SGPP2: variants seen among roughly 807,000 people sequenced by gnomAD.
The protein encoded by SGPP2 is sphingosine 1-phosphate phosphohydrolase 2.
In SGPP2, 30 loss-of-function variants were observed where a neutral mutation model predicts 33.9. The ratio of observed to expected loss-of-function variants is 0.89; its 90% CI spans 0.66 to 1.20. The LOEUF is 1.20. SGPP2 is among the 50% of genes most tolerant of loss of function. The pLI is 0.00. For synonymous variants in SGPP2, 233 were observed against 225.0 expected (o/e 1.04, Z -0.32); for missense variants, 458 against 532.1 (o/e 0.86, Z 1.37).
intron 4 of SGPP2, among the ~76,000 whole-genome samples, chr2:222,534,581 G>A (rs1698886264): frequency 6.6e-6 from 1 of 151,916 alleles, no homozygotes; most frequent in Admixed American, 6.6e-5. Flanking sequence ...GAGCATTTTT[G>A]TTGTATTTTT....
At chr2:222,433,860 A>C (rs993869779) in intron 1 of SGPP2, among the ~76,000 whole-genome samples, 1 of 152,220 alleles carries the variant, frequency 6.6e-6, no homozygotes, top group Non-Finnish European at 1.5e-5. Flanking sequence ...TTAAAAATGT[A>C]TTTCAATTAC....
intron 1 of SGPP2, among the ~76,000 whole-genome samples, chr2:222,474,334 CTGG>C (rs1697896593): frequency 1.3e-5 from 2 of 152,164 alleles, no homozygotes; most frequent in South Asian, 4.1e-4. Context: ...GTGTCTTCTC[CTGG>C]TACTTCTGTC....
intron 2 of SGPP2, among the ~76,000 whole-genome samples, chr2:222,505,111 G>A (rs978810517): frequency 2.0e-5 from 3 of 152,140 alleles, no homozygotes; most frequent in African/African-American, 7.2e-5. Context: ...ATTCCAGAGA[G>A]CAAAAATTTG....
intron 1 of SGPP2, among the ~76,000 whole-genome samples, chr2:222,473,521 G>A (rs949812652): frequency 6.6e-6 from 1 of 152,074 alleles, no homozygotes. Flanking sequence ...TTAATTTGAG[G>A]CTGGGAAGGA....
chr2:222,501,253 G>A (rs986523864), intron 2 of SGPP2, among the ~76,000 whole-genome samples: 1 of 152,128 alleles, frequency 6.6e-6, no homozygotes, highest in Admixed American at 6.5e-5. Flanking sequence ...CTGTCATTCT[G>A]AACCTGGACA....
chr2:222,530,401 C>T (rs2395870), intron 4 of SGPP2, among the ~76,000 whole-genome samples: 65,249 of 152,176 alleles, frequency 0.43, 16,540 homozygotes, highest in East Asian at 0.81. Context: ...TGTTGTGTAA[C>T]GTAGCCACCT....
intron 4 of SGPP2, among the ~76,000 whole-genome samples, chr2:222,546,456 A>G (rs538555093): frequency 9.8e-4 from 150 of 152,298 alleles, no homozygotes; most frequent in African/African-American, 3.4e-3. Flanking sequence ...CAAAAAGAGA[A>G]CATGGCCATA....
At chr2:222,509,088 G>T (rs1332053063) in intron 2 of SGPP2, among the ~76,000 whole-genome samples, 2 of 151,774 alleles carry the variant, frequency 1.3e-5, no homozygotes, top group Non-Finnish European at 2.9e-5. Flanking sequence ...TTCACTCCCA[G>T]ACGCTAAATA....
At position 222,524,932 on chromosome 2, in the gene SGPP2, C is replaced by T. The variant is rs753307541; in HGVS notation, c.559-12C>T. 1.2e-6 allele frequency: 2 copies of T among 1,609,556 alleles called. No homozygotes were observed. The highest frequency in any genetic ancestry group is 8.5e-7 in the Non-Finnish European group (1 of 1,177,234). ...TGATCTAATTCCCTTGTTTTTTCTCCTTCCCCCACAGTATCCATTTGTGTT... is the reference window on the plus strand; with the variant it reads ...TGATCTAATTCCCTTGTTTTTTCTCTTTCCCCCACAGTATCCATTTGTGTT... On this transcript the variant is annotated splice_polypyrimidine_tract_variant and intron_variant, in intron 3 of 4. Coordinates refer to ENST00000321276, the MANE Select transcript of SGPP2 (RefSeq NM_152386.4).
chr2:222,527,300 A>G (rs903244360), intron 4 of SGPP2, among the ~76,000 whole-genome samples: 2 of 152,156 alleles, frequency 1.3e-5, no homozygotes, highest in Admixed American at 6.5e-5. Context: ...AAATTGTGTG[A>G]CTTGCTTGAT....
rs1698072940 is a variant in SGPP2, at chr2:222,484,348, CGT to C, written c.378+9623_378+9624del. 3.9e-5 allele frequency among the ~76,000 whole-genome samples: 6 copies of C among 152,296 alleles called. No homozygotes were observed. The South Asian group carries it at 1.2e-3, about 32-fold the overall frequency. ...AATTGTAGCTGTCCCAGATAGAGCC[CGT>C]TGTTCCCCTCACCCCCAGGATCATT... On this transcript the variant is annotated intron_variant, in intron 2 of 4. Coordinates refer to ENST00000321276, the MANE Select transcript of SGPP2 (RefSeq NM_152386.4).
intron 1 of SGPP2, among the ~76,000 whole-genome samples, chr2:222,448,242 G>C (rs565755460): frequency 1.3e-5 from 2 of 152,312 alleles, no homozygotes; most frequent in South Asian, 4.1e-4. Context: ...TTTTATCTTT[G>C]CTCTACATCA....
chr2:222,436,015 T>A (rs1697234210), intron 1 of SGPP2, among the ~76,000 whole-genome samples: 2 of 152,350 alleles, frequency 1.3e-5, no homozygotes, highest in South Asian at 4.1e-4. Context: ...GGAATGGTAA[T>A]ACTAAGAGAT....
At chr2:222,486,623 G>A (rs1163903462) in intron 2 of SGPP2, among the ~76,000 whole-genome samples, 2 of 152,142 alleles carry the variant, frequency 1.3e-5, no homozygotes, top group Non-Finnish European at 2.9e-5. Context: ...TAGATGCGGG[G>A]TTGTGGCCTT....
At chr2:222,470,891 C>G (rs79539325) in intron 1 of SGPP2, among the ~76,000 whole-genome samples, 1 of 152,122 alleles carries the variant, frequency 6.6e-6, no homozygotes, top group Non-Finnish European at 1.5e-5. Context: ...CAGAACCTGC[C>G]GAGATTAGTC....
intron 2 of SGPP2, among the ~76,000 whole-genome samples, chr2:222,475,757 G>A (rs2106097268): frequency 1.3e-5 from 2 of 152,322 alleles, no homozygotes; most frequent in African/African-American, 4.8e-5. Context: ...GGAGATGGTA[G>A]TCATTTGCAA....
chr2:222,539,302 A>T (rs553805509), intron 4 of SGPP2, among the ~76,000 whole-genome samples: 1 of 152,282 alleles, frequency 6.6e-6, no homozygotes, highest in East Asian at 1.9e-4. Context: ...AATAATTATA[A>T]AGGTTCTTAA....
At chr2:222,489,204 G>A (rs1192425411) in intron 2 of SGPP2, among the ~76,000 whole-genome samples, 3 of 152,120 alleles carry the variant, frequency 2.0e-5, no homozygotes, top group African/African-American at 2.4e-5. Context: ...ACTACTGCCA[G>A]CAGGATGAAC....
intron 1 of SGPP2, among the ~76,000 whole-genome samples, chr2:222,461,056 G>A (rs79947961): frequency 6.6e-6 from 1 of 152,124 alleles, no homozygotes; most frequent in Admixed American, 6.5e-5. Flanking sequence ...ACATTCGGCT[G>A]TTTTTCGAAT....
Sources: allele counts gnomAD v4.1 joint callset (sites outside exome capture counted in the v4.1 genomes callset), GRCh38; gene constraint gnomAD v4.1.1; transcripts MANE v1.5; gene names NCBI Gene and HGNC (gene_info 2026-07-23, HGNC 2026-07-21).